The following LRMDA variants were observed in gnomAD, a reference collection of about 807,000 sequenced individuals.
LRMDA encodes the protein leucine rich melanocyte differentiation associated, also known as leucine-rich melanocyte differentiation-associated protein.
A neutral mutation model predicts 29.8 loss-of-function variants in LRMDA; 18 were observed. The observed-to-expected ratio is 0.60, with a 90% CI of 0.42 to 0.90. The LOEUF (loss-of-function observed/expected upper bound fraction) is 0.90. LRMDA is among the 40% of genes least tolerant of loss of function. The probability of loss-of-function intolerance (pLI) is 0.00; values close to 1 mark genes in which losing one functional copy is unlikely to be tolerated. For synonymous variants in LRMDA, 125 were observed against 109.4 expected (o/e 1.14, Z -0.89); for missense variants, 273 against 273.9 (o/e 1.00, Z 0.02).
chr10:75,859,950 T>TA (rs1056077027), intron 2 of LRMDA, among the ~76,000 whole-genome samples: 1 of 152,172 alleles, frequency 6.6e-6, no homozygotes, highest in Non-Finnish European at 1.5e-5. Flanking sequence ...AATTAATATA[T>TA]TTTTCCCCAA....
At chr10:76,459,186 A>T (rs1842487833) in intron 6 of LRMDA, among the ~76,000 whole-genome samples, 1 of 152,176 alleles carries the variant, frequency 6.6e-6, no homozygotes, top group South Asian at 2.1e-4. Flanking sequence ...CTGGAAATCA[A>T]AACCTCCTTG....
intron 2 of LRMDA, among the ~76,000 whole-genome samples, chr10:75,719,696 G>C (rs77914828): frequency 6.6e-6 from 1 of 152,318 alleles, no homozygotes; most frequent in African/African-American, 2.4e-5. Context: ...ATTGTGGGCT[G>C]AGGTAATGAA....
At chr10:75,947,876 G>A (rs980007028) in intron 2 of LRMDA, among the ~76,000 whole-genome samples, 27 of 152,098 alleles carry the variant, frequency 1.8e-4, no homozygotes, top group African/African-American at 5.6e-4. Flanking sequence ...CTTAGAGCTC[G>A]TTGTTTCAAT....
At chr10:76,455,245 C>G (rs1842445418) in intron 6 of LRMDA, among the ~76,000 whole-genome samples, 2 of 152,170 alleles carry the variant, frequency 1.3e-5, no homozygotes, top group Admixed American at 1.3e-4. Flanking sequence ...ATTAGTTCAA[C>G]TCGTCACCCA....
chr10:75,967,661 T>C (rs1476754552), intron 2 of LRMDA, among the ~76,000 whole-genome samples: 1 of 152,100 alleles, frequency 6.6e-6, no homozygotes, highest in East Asian at 1.9e-4. Flanking sequence ...TGATGAATTG[T>C]GTTAATCTGC....
At position 76,538,500 on chromosome 10, in the gene LRMDA, GTA is replaced by G. The variant is rs747983445; in HGVS notation, c.602-18699_602-18698del. On this transcript the variant is annotated intron_variant, in intron 6 of 6. Coordinates refer to ENST00000611255, the MANE Select transcript of LRMDA (RefSeq NM_001305581.2). ...TATACATATTTATATAGTTATATAT[GTA>G]TATATATATGTATATACATATTTAT... is the stretch of plus-strand genomic sequence containing the variant. Among the ~76,000 whole-genome samples, 220 of 138,550 alleles carry G rather than the reference GTA, an allele frequency of 1.6e-3. 1 individual carries two copies. Among genetic ancestry groups the G allele is most frequent in the African/African-American group, 4.6e-3 (167 of 36,084 alleles). The allele number at this position is 138,550 out of a possible 152,430, so 90.9% of individuals were successfully genotyped here. A position where few individuals can be genotyped will look rare whatever the true frequency, so the allele number is the denominator to read the frequency against.
At chr10:76,402,648 A>G (rs1589167634) in intron 6 of LRMDA, among the ~76,000 whole-genome samples, 2 of 152,136 alleles carry the variant, frequency 1.3e-5, no homozygotes, top group African/African-American at 2.4e-5. Flanking sequence ...GCCACTGTGC[A>G]TGGTCCAGCT....
chr10:76,231,620 G>A (rs532614523), intron 5 of LRMDA, among the ~76,000 whole-genome samples: 1 of 152,168 alleles, frequency 6.6e-6, no homozygotes, highest in South Asian at 2.1e-4. Flanking sequence ...AGTCATAAAG[G>A]GCCTTGAACT....
intron 2 of LRMDA, among the ~76,000 whole-genome samples, chr10:75,988,987 A>G (rs1468367627): frequency 2.0e-5 from 3 of 152,106 alleles, no homozygotes; most frequent in African/African-American, 7.2e-5. Flanking sequence ...CTCCCACCCC[A>G]GCTACCTCTG....
chr10:75,795,021 T>C (rs1390468853), intron 2 of LRMDA, among the ~76,000 whole-genome samples: 1 of 152,150 alleles, frequency 6.6e-6, no homozygotes, highest in Non-Finnish European at 1.5e-5. Context: ...ATTCTCTATT[T>C]CTTTTTATTA....
chr10:75,933,174 A>G (rs1413874580), intron 2 of LRMDA, among the ~76,000 whole-genome samples: 1 of 152,108 alleles, frequency 6.6e-6, no homozygotes, highest in African/African-American at 2.4e-5. Flanking sequence ...AGCTGTCACC[A>G]TCCTGACTCA....
At chr10:76,553,711 G>A (rs1843522224) in intron 6 of LRMDA, among the ~76,000 whole-genome samples, 1 of 152,132 alleles carries the variant, frequency 6.6e-6, no homozygotes, top group Non-Finnish European at 1.5e-5. Context: ...CATATTGGGG[G>A]TAATCACATC....
intron 5 of LRMDA, among the ~76,000 whole-genome samples, chr10:76,142,346 TTATG>T (rs2132151653): frequency 6.6e-6 from 1 of 152,264 alleles, no homozygotes; most frequent in African/African-American, 2.4e-5. Context: ...AGATAATAAC[TTATG>T]TTTTTCTGTG....
At chr10:76,378,858 C>CTTTTTTTTTTTTTT in intron 6 of LRMDA, among the ~76,000 whole-genome samples, 2 of 118,964 alleles carry the variant, frequency 1.7e-5, no homozygotes, top group Non-Finnish European at 3.3e-5. Context: ...CTTTTTTTTT[C>CTTTTTTTTTTTTTT]TTTTTTTTTT....
intron 2 of LRMDA, among the ~76,000 whole-genome samples, chr10:76,007,230 C>A (rs1475660164): frequency 1.3e-5 from 2 of 151,990 alleles, no homozygotes; most frequent in Non-Finnish European, 2.9e-5. Context: ...TTTTCATTCA[C>A]CCGCCTCCTT....
Position 75,438,479 on chromosome 10 carries a change from G to A in LRMDA, c.116G>A (p.Ser39Asn). Residue 39 changes from serine to asparagine, a missense_variant, in exon 2 of 7, where the codon AGC (serine) becomes AAC (asparagine). Transcript: ENST00000611255. ...CGHFAKRLDL[S>N]FNLLRSLEGL... ...CATTTCGCAAAGAGGCTTGATCTGA[G>A]CTTTAACCTTCTGAGGTATGTAACC... 13 of 1,550,678 alleles carry A rather than the reference G, an allele frequency of 8.4e-6. No individual in the cohort carries two copies. Among genetic ancestry groups the A allele is most frequent in the Non-Finnish European group, 1.1e-5 (13 of 1,147,002 alleles).
chr10:76,066,119 C>T (rs1032236449), intron 5 of LRMDA, among the ~76,000 whole-genome samples: 1 of 152,194 alleles, frequency 6.6e-6, no homozygotes, highest in African/African-American at 2.4e-5. Flanking sequence ...GCATCTCTGG[C>T]CATTGAACCA....
intron 2 of LRMDA, among the ~76,000 whole-genome samples, chr10:75,725,699 A>G (rs528913554): frequency 1.3e-5 from 2 of 152,156 alleles, no homozygotes; most frequent in South Asian, 4.1e-4. Context: ...CTGAGATGCA[A>G]TATTGTTTTG....
chr10:76,442,306 A>C (rs1564542974), intron 6 of LRMDA, among the ~76,000 whole-genome samples: 1 of 152,230 alleles, frequency 6.6e-6, no homozygotes, highest in Admixed American at 6.5e-5. Flanking sequence ...AACACTTATC[A>C]TGTGGCTTTA....
Sources: allele counts gnomAD v4.1 joint callset (sites outside exome capture counted in the v4.1 genomes callset), GRCh38; gene constraint gnomAD v4.1.1; transcripts MANE v1.5; gene names NCBI Gene and HGNC (gene_info 2026-07-23, HGNC 2026-07-21).